Variants in OXCT1 observed in about 807,000 individuals in gnomAD.
OXCT1 encodes the protein succinyl-CoA:3-ketoacid coenzyme A transferase 1, mitochondrial.
OXCT1 carries 27 observed loss-of-function variants against 69.6 expected under a neutral mutation model. The ratio of observed to expected loss-of-function variants is 0.39; its 90% confidence interval spans 0.29 to 0.54. The LOEUF is 0.54. Ranked by LOEUF, OXCT1 falls within the 20% of genes least tolerant of loss-of-function variation. The probability of loss-of-function intolerance (pLI) is 0.72; values close to 1 mark genes in which losing one functional copy is unlikely to be tolerated. For synonymous variants in OXCT1, 202 were observed against 217.8 expected (o/e 0.93, Z 0.64); for missense variants, 437 against 650.2 (o/e 0.67, Z 3.57).
intron 14 of OXCT1, among the ~76,000 whole-genome samples, chr5:41,753,413 T>C (rs1211064455): frequency 2.0e-5 from 3 of 152,102 alleles, no homozygotes; most frequent in African/African-American, 7.2e-5. Flanking sequence ...AGAAGGCAAG[T>C]TCTGGGATTT....
chr5:41,733,029 G>C (rs1742711364), intron 16 of OXCT1, among the ~76,000 whole-genome samples: 1 of 152,070 alleles, frequency 6.6e-6, no homozygotes, highest in South Asian at 2.1e-4. Flanking sequence ...TTGGTATATA[G>C]CTTATGGTAA....
chr5:41,832,250 G>A (rs1748133497), intron 7 of OXCT1, among the ~76,000 whole-genome samples: 1 of 152,050 alleles, frequency 6.6e-6, no homozygotes, highest in African/African-American at 2.4e-5. Context: ...GCTGGCTTTA[G>A]GCCTGACCCA....
At chr5:41,825,416 C>T (rs571297422) in intron 7 of OXCT1, among the ~76,000 whole-genome samples, 1 of 152,212 alleles carries the variant, frequency 6.6e-6, no homozygotes, top group Non-Finnish European at 1.5e-5. Context: ...AGTTAAGTAA[C>T]TCTTGGTTCC....
intron 13 of OXCT1, among the ~76,000 whole-genome samples, chr5:41,791,661 C>G (rs115359534): frequency 9.2e-5 from 14 of 152,274 alleles, no homozygotes; most frequent in Non-Finnish European, 8.8e-5. Context: ...TGCTTCATAC[C>G]CAGGACCACT....
chr5:41,789,274 C>A (rs1376523054), intron 13 of OXCT1, among the ~76,000 whole-genome samples: 1 of 152,100 alleles, frequency 6.6e-6, no homozygotes, highest in African/African-American at 2.4e-5. Flanking sequence ...TGGCTATGCT[C>A]CAAGAAAAAT....
At chr5:41,759,280 G>A (rs1561367838) in intron 14 of OXCT1, among the ~76,000 whole-genome samples, 1 of 151,932 alleles carries the variant, frequency 6.6e-6, no homozygotes, top group Non-Finnish European at 1.5e-5. Context: ...TTACTTCAGA[G>A]GATCAATGAG....
At chr5:41,845,150 C>A (rs1229448302) in intron 5 of OXCT1, among the ~76,000 whole-genome samples, 1 of 152,170 alleles carries the variant, frequency 6.6e-6, no homozygotes, top group Non-Finnish European at 1.5e-5. Flanking sequence ...TCCAGCCTCA[C>A]CACCCTCCTG....
At chr5:41,735,106 A>C (rs965571191) in intron 16 of OXCT1, among the ~76,000 whole-genome samples, 1 of 152,316 alleles carries the variant, frequency 6.6e-6, no homozygotes, top group Admixed American at 6.5e-5. Flanking sequence ...TATATCTAAA[A>C]AATTTCAAAG....
chr5:41,842,553 T>TAC, intron 6 of OXCT1, 122 bp downstream of exon 6: 1 of 777,574 alleles, frequency 1.3e-6, no homozygotes, highest in South Asian at 1.4e-5. Flanking sequence ...ATATGTGCAA[T>TAC]ACACATGGGC....
chr5:41,846,124 G>GTATT (rs1198178256), intron 5 of OXCT1, among the ~76,000 whole-genome samples: 1 of 150,666 alleles, frequency 6.6e-6, no homozygotes. Context: ...ATGTATGTAT[G>GTATT]TATTTATTTA....
chr5:41,862,737 G>A lies in OXCT1; in HGVS notation c.92C>T (p.Ser31Phe). 6.2e-7 allele frequency: 1 copy of A among 1,605,332 alleles called. No individual in the cohort carries two copies. Among genetic ancestry groups the A allele is most frequent in the Non-Finnish European group, 8.5e-7 (1 of 1,173,094 alleles). ...GATWYKGCVC[S>F]FSTSAHRHTK... ...ATGGCGATGAGCACTGGTGGAAAAG[G>A]AACAAACACATCCCTGAAATATTAA... is the stretch of plus-strand genomic sequence containing the variant. The change falls in exon 2 of 17, where the codon TCC becomes TTC. Residue 31 changes from serine (S) to phenylalanine (F), a missense_variant. Physicochemically the swap from Ser to Phe is radical, Grantham distance 155. Coordinates refer to ENST00000196371, the MANE Select transcript of OXCT1 (RefSeq NM_000436.4).
chr5:41,777,406 ACT>A (rs1181871113), intron 13 of OXCT1, among the ~76,000 whole-genome samples: 1 of 152,044 alleles, frequency 6.6e-6, no homozygotes, highest in Non-Finnish European at 1.5e-5. Flanking sequence ...ACAAAGTGAG[ACT>A]CTGTCTTAAA....
rs541431091 is a variant in OXCT1 at position 41,836,238 on chromosome 5, A to G, written c.732+4213T>C. 2.0e-5 allele frequency among the ~76,000 whole-genome samples: 3 copies of G among 152,226 alleles called. No individual in the cohort carries two copies. In the East Asian group the frequency reaches 5.8e-4, roughly 29 times the overall value. On this transcript the variant is annotated intron_variant, in intron 7 of 16. Transcript: ENST00000196371. ...TCAAAGAGAGGGAGGTCCAGAAATA[A>G]CACTGTCTGGACTGAAAAGAGAAAC... is the stretch of plus-strand genomic sequence containing the variant.
At chr5:41,789,354 G>C (rs1201398275) in intron 13 of OXCT1, among the ~76,000 whole-genome samples, 3 of 152,164 alleles carry the variant, frequency 2.0e-5, no homozygotes, top group Non-Finnish European at 4.4e-5. Flanking sequence ...TAGAATATCA[G>C]CTCCATAAAT....
At chr5:41,810,005 G>C (rs1746885909) in intron 7 of OXCT1, among the ~76,000 whole-genome samples, 1 of 151,904 alleles carries the variant, frequency 6.6e-6, no homozygotes, top group Non-Finnish European at 1.5e-5. Context: ...GGTTAGCAGA[G>C]TTAATAGCTA....
intron 14 of OXCT1, among the ~76,000 whole-genome samples, chr5:41,751,434 T>C (rs1743781403): frequency 6.6e-6 from 1 of 152,140 alleles, no homozygotes; most frequent in Non-Finnish European, 1.5e-5. Context: ...GAGACCTTTT[T>C]CTAGACCATT....
intron 13 of OXCT1, among the ~76,000 whole-genome samples, chr5:41,780,055 CTGA>C (rs1332204418): frequency 6.6e-6 from 1 of 152,020 alleles, no homozygotes; most frequent in Non-Finnish European, 1.5e-5. Context: ...ATTAGTAAGT[CTGA>C]ACATCTACAG....
intron 5 of OXCT1, among the ~76,000 whole-genome samples, chr5:41,849,153 G>A (rs16871972): frequency 3.3e-5 from 5 of 152,020 alleles, no homozygotes; most frequent in Non-Finnish European, 1.5e-5. Context: ...GAGATCAACA[G>A]TGAACATCAA....
intron 13 of OXCT1, among the ~76,000 whole-genome samples, chr5:41,774,739 C>CA (rs1254171499): frequency 2.0e-5 from 3 of 151,906 alleles, no homozygotes; most frequent in African/African-American, 4.8e-5. Context: ...ACTCAAAATA[C>CA]AAAAAATTAG....
Sources: gnomAD v4.1 joint callset for allele counts (sites outside exome capture counted in the v4.1 genomes callset) on GRCh38, gnomAD v4.1.1 for gene constraint, MANE v1.5 for transcripts, NCBI Gene and HGNC (gene_info 2026-07-23, HGNC 2026-07-21) for gene names.